NDUFAF6: variants seen among roughly 807,000 people sequenced by gnomAD.
The protein encoded by NDUFAF6 is NADH dehydrogenase (ubiquinone) complex I, assembly factor 6.
NDUFAF6 carries 45 observed loss-of-function variants against 40.8 expected under a neutral mutation model. The observed-to-expected ratio is 1.10, with a 90% CI of 0.87 to 1.42. The LOEUF is 1.42. NDUFAF6 is among the 40% of genes most tolerant of loss of function. The pLI is 0.00. For missense variants in NDUFAF6, 435 were observed against 418.5 expected, an observed-to-expected ratio of 1.04 and a Z score of -0.34; for synonymous variants, 185 against 155.9, an observed-to-expected ratio of 1.19 and a Z score of -1.39.
chr8:94,915,120 ATT>A (rs562630491), intron 1 of NDUFAF6, among the ~76,000 whole-genome samples: 2 of 146,758 alleles, frequency 1.4e-5, no homozygotes, highest in African/African-American at 5.0e-5. Flanking sequence ...CGCATCTTAA[ATT>A]TTTTTTTTTT....
chr8:95,091,929 A>C (rs1809264914), intron 2 of NDUFAF6, among the ~76,000 whole-genome samples: 1 of 90,566 alleles, frequency 1.1e-5, no homozygotes, highest in African/African-American at 5.3e-5. Context: ...TAATTCCTTT[A>C]AGGCAAGCCC....
chr8:95,109,572 C>T (rs534230625), intron 4 of NDUFAF6, among the ~76,000 whole-genome samples: 24 of 108,738 alleles, frequency 2.2e-4, no homozygotes, highest in East Asian at 9.4e-4. Context: ...AGAGATGTAG[C>T]GTTAGATAGA....
chr8:95,041,863 G>T (rs1830185749), intron 4 of NDUFAF6, among the ~76,000 whole-genome samples: 3 of 152,022 alleles, frequency 2.0e-5, no homozygotes, highest in South Asian at 2.1e-4. Context: ...CACTATTTTG[G>T]TTTTTTCAAA....
chr8:94,948,896 C>G (rs986641913), intron 2 of NDUFAF6, among the ~76,000 whole-genome samples: 5 of 151,360 alleles, frequency 3.3e-5, no homozygotes, highest in African/African-American at 1.2e-4. Context: ...GGCCCTTGTC[C>G]GCGCCGCCGC....
upstream of NDUFAF6, among the ~76,000 whole-genome samples, chr8:95,097,616 T>A (rs1373547525): frequency 1.3e-5 from 2 of 152,194 alleles, no homozygotes; most frequent in Admixed American, 1.3e-4. Flanking sequence ...GGAGAATCGC[T>A]TGAACTGGGG....
chr8:94,928,041 G>A (rs1820052741), intron 1 of NDUFAF6: 1 of 152,208 alleles, frequency 6.6e-6, no homozygotes. Flanking sequence ...ATAACCAAGA[G>A]TTTCAACTGA....
At chr8:95,099,993 G>A (rs938588530), upstream of NDUFAF6, among the ~76,000 whole-genome samples, 7 of 152,146 alleles carry the variant, frequency 4.6e-5, no homozygotes, top group African/African-American at 1.7e-4. Context: ...TTTAGTGCTG[G>A]TCTGGGCTAC....
intron 1 of NDUFAF6, among the ~76,000 whole-genome samples, chr8:94,942,320 G>A (rs1387304950): frequency 1.3e-5 from 2 of 151,910 alleles, no homozygotes; most frequent in African/African-American, 4.8e-5. Context: ...GATTACAGGC[G>A]TGAGCTGCCG....
intron 2 of NDUFAF6, among the ~76,000 whole-genome samples, chr8:95,081,179 T>TTTTTTTTTG (rs1808851404): frequency 1.4e-5 from 1 of 69,340 alleles, no homozygotes; most frequent in Non-Finnish European, 2.6e-5. Context: ...TTTTTTTTTT[T>TTTTTTTTTG]TTTGAGGTGG....
chr8:95,047,728 C>G (rs1263512054), intron 6 of NDUFAF6, among the ~76,000 whole-genome samples: 1 of 151,856 alleles, frequency 6.6e-6, no homozygotes, highest in Non-Finnish European at 1.5e-5. Context: ...CCAGGATGGT[C>G]TAGATCTCCT....
At chr8:94,930,477 T>A (rs1300115144) in intron 1 of NDUFAF6, 1 of 1,613,692 alleles carries the variant, frequency 6.2e-7, no homozygotes. Flanking sequence ...AACTTGAAAC[T>A]ATTAGTAATT....
At chr8:94,928,818 A>G (rs1351978277) in intron 1 of NDUFAF6, 2 of 152,366 alleles carry the variant, frequency 1.3e-5, no homozygotes, top group African/African-American at 4.8e-5. Context: ...GTTATTGAAA[A>G]ATATAATACT....
intron 1 of NDUFAF6, among the ~76,000 whole-genome samples, chr8:94,968,181 A>G (rs1301476900): frequency 1.3e-5 from 2 of 152,154 alleles, no homozygotes; most frequent in African/African-American, 2.4e-5. Flanking sequence ...GTGACATCCC[A>G]TTACTTTTAC....
downstream of NDUFAF6, chr8:95,078,662 A>AAAAAAAATATATATATATATATATAT (rs545018367): frequency 1.7e-5 from 2 of 121,050 alleles, no homozygotes; most frequent in African/African-American, 6.6e-5. Context: ...AAAAAAAAAA[A>AAAAAAAATATATATATATATATATAT]ATATATATAT....
At chr8:95,025,255 T>G (rs1018903885) in intron 1 of NDUFAF6, 50 bp downstream of exon 1, 1 of 1,346,146 alleles carries the variant, frequency 7.4e-7, no homozygotes, top group Non-Finnish European at 9.5e-7. Flanking sequence ...GGTCCCGGGG[T>G]GGGAGCGGCT....
chr8:95,026,487 C>T (rs1828153612), intron 1 of NDUFAF6, among the ~76,000 whole-genome samples: 2 of 152,002 alleles, frequency 1.3e-5, no homozygotes, highest in Non-Finnish European at 2.9e-5. Context: ...TATTTATTTC[C>T]TACCTTATTT....
At chr8:95,002,454 C>A (rs1413386131) in intron 2 of NDUFAF6, among the ~76,000 whole-genome samples, 1 of 151,918 alleles carries the variant, frequency 6.6e-6, no homozygotes, top group Non-Finnish European at 1.5e-5. Flanking sequence ...GTGAACACAC[C>A]TACTATGCAG....
chr8:95,070,900 A>T lies in NDUFAF6; in HGVS notation c.*512-4733A>T, dbSNP rs185947970. On this transcript the variant is annotated intron_variant and NMD_transcript_variant, in intron 9 of 9. Transcript: ENST00000520757. ...TTTTCCTATTCCCCTCCCCTCCCCG[A>T]GTCATCTGCCCTTTATTACTTGCCT... is the stretch of plus-strand genomic sequence containing the variant. 2.0e-5 allele frequency among the ~76,000 whole-genome samples: 3 copies of T among 152,216 alleles called. No individual in the cohort carries two copies. The East Asian group carries it at 5.8e-4, about 29-fold the overall frequency.
chr8:95,047,128 G>T lies in NDUFAF6; in HGVS notation c.714+1G>T. On this transcript the variant is annotated splice_donor_variant, in intron 6 of 8. Transcript: ENST00000396124. LOFTEE classifies it high-confidence loss of function. Reference sequence around the variant, plus strand: ...CCTTCCCATGGATATTTGTATGCTGGTAAGGCTGTAATTTGTACCTTTGAA... The same window carrying T: ...CCTTCCCATGGATATTTGTATGCTGTTAAGGCTGTAATTTGTACCTTTGAA... 6.2e-7 allele frequency: 1 copy of T among 1,614,084 alleles called. No homozygotes were observed. Among genetic ancestry groups the T allele is most frequent in the South Asian group, 1.1e-5 (1 of 91,090 alleles).
Sources: gnomAD v4.1 joint callset for allele counts (sites outside exome capture counted in the v4.1 genomes callset) on GRCh38, gnomAD v4.1.1 for gene constraint, MANE v1.5 for transcripts, NCBI Gene and HGNC (gene_info 2026-07-23, HGNC 2026-07-21) for gene names.